POFUT3: variants seen among roughly 807,000 people sequenced by gnomAD.
The protein encoded by POFUT3 is protein O-fucosyltransferase 3.
the POFUT3 span, among the ~76,000 whole-genome samples, chr8:33,420,925 T>C: frequency 6.6e-6 from 1 of 151,628 alleles, no homozygotes; most frequent in South Asian, 2.1e-4. Flanking sequence ...TATTTGTCAA[T>C]TTAAAAAGAG....
At chr8:33,425,826 T>C in the POFUT3 span, among the ~76,000 whole-genome samples, 5 of 149,190 alleles carry the variant, frequency 3.4e-5, no homozygotes, top group Non-Finnish European at 5.9e-5. Flanking sequence ...CTCAGGAGGC[T>C]GAGGCACAAG....
the POFUT3 span, among the ~76,000 whole-genome samples, chr8:33,470,323 A>G: frequency 1.7e-3 from 251 of 150,198 alleles, 1 homozygote; most frequent in African/African-American, 5.9e-3. Flanking sequence ...CAGGAGGCTG[A>G]GCAGGAGGAT....
At chr8:33,319,725 A>T in the POFUT3 span, among the ~76,000 whole-genome samples, 1 of 53,894 alleles carries the variant, frequency 1.9e-5, no homozygotes, top group Non-Finnish European at 2.9e-5. Flanking sequence ...TATAATATAT[A>T]AATGTATATT....
At chr8:33,461,358 C>G in the POFUT3 span, 1 of 1,600,710 alleles carries the variant, frequency 6.2e-7, no homozygotes, top group South Asian at 1.1e-5. Flanking sequence ...CTACACAACC[C>G]ACATTCTTGG....
chr8:33,309,088 C>T, the POFUT3 span, among the ~76,000 whole-genome samples: 6 of 131,292 alleles, frequency 4.6e-5, no homozygotes, highest in Non-Finnish European at 7.9e-5. Flanking sequence ...TCTGGAGCCC[C>T]GGCTGTTGCT....
At chr8:33,318,550 T>C in the POFUT3 span, among the ~76,000 whole-genome samples, 1 of 106,510 alleles carries the variant, frequency 9.4e-6, no homozygotes, top group Non-Finnish European at 1.7e-5. Flanking sequence ...AGCTATTTTA[T>C]ATAAATATAT....
At chr8:33,318,344 A>C in the POFUT3 span, among the ~76,000 whole-genome samples, 1 of 150,546 alleles carries the variant, frequency 6.6e-6, no homozygotes, top group Non-Finnish European at 1.5e-5. Flanking sequence ...ATTTATACAA[A>C]TCCTACAATG....
At chr8:33,367,945 G>T in the POFUT3 span, among the ~76,000 whole-genome samples, 1 of 151,942 alleles carries the variant, frequency 6.6e-6, no homozygotes, top group Non-Finnish European at 1.5e-5. Flanking sequence ...GCCTATTTGG[G>T]CTAGTTGAAT....
chr8:33,428,348 T>A, the POFUT3 span, among the ~76,000 whole-genome samples: 4 of 152,220 alleles, frequency 2.6e-5, no homozygotes, highest in Admixed American at 1.3e-4. Flanking sequence ...AAGGAGAAGC[T>A]AAAGAAATTT....
chr8:33,441,926 C>G, the POFUT3 span, among the ~76,000 whole-genome samples: 7,174 of 152,116 alleles, frequency 0.047, 274 homozygotes, highest in African/African-American at 0.1. Flanking sequence ...AGGGGAAGTG[C>G]TTAGGTTTGG....
At chr8:33,353,520 G>A in the POFUT3 span, among the ~76,000 whole-genome samples, 6 of 152,098 alleles carry the variant, frequency 3.9e-5, no homozygotes, top group African/African-American at 7.2e-5. Context: ...ATTCTTTCTC[G>A]TCTGCACAAG....
the POFUT3 span, chr8:33,436,645 C>T: frequency 7.0e-6 from 6 of 862,914 alleles, no homozygotes; most frequent in Non-Finnish European, 5.9e-6. Context: ...GAAGAGTGAG[C>T]GAATCTCCCG....
chr8:33,424,511 G>A, the POFUT3 span, among the ~76,000 whole-genome samples: 26 of 152,144 alleles, frequency 1.7e-4, no homozygotes, highest in Non-Finnish European at 2.4e-4. Context: ...TGTCTGCATC[G>A]TTAGGGCCTT....
At chr8:33,416,054 T>A in the POFUT3 span, among the ~76,000 whole-genome samples, 1 of 152,202 alleles carries the variant, frequency 6.6e-6, no homozygotes, top group African/African-American at 2.4e-5. Flanking sequence ...GTATTAAAAT[T>A]TATTTAATCA....
the POFUT3 span, among the ~76,000 whole-genome samples, chr8:33,391,827 C>T: frequency 2.0e-5 from 3 of 152,122 alleles, no homozygotes; most frequent in African/African-American, 7.2e-5. Flanking sequence ...GGATCAGGCA[C>T]AGGGGATTTG....
chr8:33,377,469 C>T, the POFUT3 span: 1 of 152,170 alleles, frequency 6.6e-6, no homozygotes, highest in Non-Finnish European at 1.5e-5. Context: ...AAGGTCTTCC[C>T]AACCCTGACC....
At chr8:33,354,177 C>T in the POFUT3 span, among the ~76,000 whole-genome samples, 1 of 152,208 alleles carries the variant, frequency 6.6e-6, no homozygotes, top group African/African-American at 2.4e-5. Context: ...TTTTGGAGAA[C>T]CACATCATAT....
At chr8:33,344,249 G>C in the POFUT3 span, among the ~76,000 whole-genome samples, 1 of 152,118 alleles carries the variant, frequency 6.6e-6, no homozygotes, top group Non-Finnish European at 1.5e-5. Context: ...TTTTAAAAGA[G>C]GGAAAGAAGC....
the POFUT3 span, among the ~76,000 whole-genome samples, chr8:33,401,495 A>G: frequency 6.6e-6 from 1 of 152,176 alleles, no homozygotes; most frequent in African/African-American, 2.4e-5. Flanking sequence ...AGACATTCAA[A>G]TTTAAAAAGA....
Sources: allele counts gnomAD v4.1 joint callset (sites outside exome capture counted in the v4.1 genomes callset), GRCh38; gene constraint gnomAD v4.1.1; transcripts MANE v1.5; gene names NCBI Gene and HGNC (gene_info 2026-07-23, HGNC 2026-07-21).